SHROOM3: variants seen among roughly 807,000 people sequenced by gnomAD.
SHROOM3 encodes the protein shroom family member 3, also known as protein Shroom3.
In SHROOM3, 47 loss-of-function variants were observed where a neutral mutation model predicts 138.6. The observed-to-expected ratio is 0.34, with a 90% CI of 0.27 to 0.43. The LOEUF is 0.43. Among genes scored for constraint, SHROOM3 ranks in the 20% least tolerant of loss-of-function variants. The pLI is 1.00. For missense variants in SHROOM3, 2,491 were observed against 2,596.5 expected, an observed-to-expected ratio of 0.96 and a Z score of 0.88; for synonymous variants, 1,062 against 1,063.3, an observed-to-expected ratio of 1.00 and a Z score of 0.02.
At chr4:76,474,531 A>G (rs1731442167) in intron 1 of SHROOM3, among the ~76,000 whole-genome samples, 1 of 152,216 alleles carries the variant, frequency 6.6e-6, no homozygotes, top group African/African-American at 2.4e-5. Context: ...GATTGTACAA[A>G]GAGAGTAATG....
chr4:76,657,189 CGCTCTCTCTCTCTCTA>C (rs1736082822), intron 2 of SHROOM3, among the ~76,000 whole-genome samples: 1 of 149,116 alleles, frequency 6.7e-6, no homozygotes, highest in African/African-American at 2.5e-5. Context: ...CTCTCTCTCT[CGCTCTCTCTCTCTCTA>C]TATATATATA....
chr4:76,695,247 T>C (rs954128770), intron 2 of SHROOM3, among the ~76,000 whole-genome samples: 9 of 152,204 alleles, frequency 5.9e-5, no homozygotes, highest in African/African-American at 2.2e-4. Flanking sequence ...TGGTCCTCTC[T>C]GACATTGTCC....
chr4:76,586,324 C>T, intron 2 of SHROOM3: 2 of 985,758 alleles, frequency 2.0e-6, no homozygotes, highest in Non-Finnish European at 2.4e-6. Context: ...CGGATCCTTC[C>T]TGGGCCAGAA....
intron 3 of SHROOM3, among the ~76,000 whole-genome samples, chr4:76,726,265 T>A (rs2110126039): frequency 6.6e-6 from 1 of 152,250 alleles, no homozygotes; most frequent in Non-Finnish European, 1.5e-5. Context: ...CTCTTGGGCT[T>A]TTTCCCAGGC....
chr4:76,663,457 GT>G (rs1351126623), intron 2 of SHROOM3, among the ~76,000 whole-genome samples: 2 of 152,122 alleles, frequency 1.3e-5, no homozygotes, highest in African/African-American at 4.8e-5. Flanking sequence ...AACTTGCTAA[GT>G]CAAGGCTAGA....
At chr4:76,488,736 A>C (rs1731788002) in intron 1 of SHROOM3, among the ~76,000 whole-genome samples, 1 of 152,220 alleles carries the variant, frequency 6.6e-6, no homozygotes. Flanking sequence ...CCCAGGAAAA[A>C]AGTATTAGTA....
At position 76,467,045 on chromosome 4, in the gene SHROOM3, G is replaced by GTTT. The variant is rs56163246; in HGVS notation, c.168+30837_168+30839dup. Among the ~76,000 whole-genome samples, 182 of 144,574 alleles carry GTTT rather than the reference G, an allele frequency of 1.3e-3. 2 individuals are homozygous for GTTT. The highest frequency in any genetic ancestry group is 1.4e-3 in the Non-Finnish European group (96 of 66,546). 94.8% of individuals were successfully genotyped at this position (144,574 alleles called of 152,430 possible). ...TTGGCCCTCCCCAGAACCCAGAAAA[G>GTTT]TTTTTTTTTTTTTTCTAGACAGGGT... On this transcript the variant is annotated intron_variant, in intron 1 of 10. Transcript: ENST00000296043.
At chr4:76,718,566 C>T (rs1005954443) in intron 3 of SHROOM3, among the ~76,000 whole-genome samples, 1 of 152,124 alleles carries the variant, frequency 6.6e-6, no homozygotes, top group Non-Finnish European at 1.5e-5. Context: ...TCTGTCTTTT[C>T]CTTTGTTTTC....
chr4:76,479,919 G>A (rs1579182877), intron 1 of SHROOM3, among the ~76,000 whole-genome samples: 1 of 152,262 alleles, frequency 6.6e-6, no homozygotes, highest in East Asian at 1.9e-4. Flanking sequence ...TTACAGACGA[G>A]CAACTGCTGA....
chr4:76,724,952 C>A (rs772957238), intron 3 of SHROOM3, among the ~76,000 whole-genome samples: 1 of 152,162 alleles, frequency 6.6e-6, no homozygotes, highest in Non-Finnish European at 1.5e-5. Flanking sequence ...TATTTTTGGT[C>A]ATCCTTTTCA....
intron 1 of SHROOM3, among the ~76,000 whole-genome samples, chr4:76,520,008 T>C (rs554350136): frequency 5.1e-4 from 77 of 152,322 alleles, no homozygotes; most frequent in African/African-American, 1.7e-3. Flanking sequence ...GACTAGCTTC[T>C]TTTAGGTCAT....
At chr4:76,705,132 A>G (rs1191708378) in intron 2 of SHROOM3, among the ~76,000 whole-genome samples, 1 of 152,182 alleles carries the variant, frequency 6.6e-6, no homozygotes, top group East Asian at 1.9e-4. Context: ...TTTCTTTTGT[A>G]TTGGCTGAAA....
chr4:76,492,313 T>C (rs1275600628), intron 1 of SHROOM3, among the ~76,000 whole-genome samples: 1 of 152,240 alleles, frequency 6.6e-6, no homozygotes, highest in African/African-American at 2.4e-5. Flanking sequence ...GCCTGCTTTG[T>C]GGAGCTTTTG....
intron 1 of SHROOM3, among the ~76,000 whole-genome samples, chr4:76,500,917 C>T (rs1336875066): frequency 1.3e-5 from 2 of 152,098 alleles, no homozygotes; most frequent in East Asian, 3.8e-4. Context: ...AGAGATCCTC[C>T]CACCTCAGCC....
intron 2 of SHROOM3, chr4:76,573,669 C>A (rs901349395): frequency 6.5e-6 from 1 of 153,866 alleles, no homozygotes; most frequent in South Asian, 2.1e-4. Flanking sequence ...TGGCCTCCAA[C>A]GCTGAATCCT....
At chr4:76,551,522 C>T (rs567397148) in intron 1 of SHROOM3, among the ~76,000 whole-genome samples, 59 of 152,264 alleles carry the variant, frequency 3.9e-4, no homozygotes, top group African/African-American at 1.4e-3. Flanking sequence ...CCATAGCTGA[C>T]CACAGTAGTG....
chr4:76,467,117 A>T (rs1455348341), intron 1 of SHROOM3, among the ~76,000 whole-genome samples: 1 of 150,154 alleles, frequency 6.7e-6, no homozygotes, highest in Non-Finnish European at 1.5e-5. Flanking sequence ...ATCACGACTC[A>T]CTGCAGCCTC....
At chr4:76,492,636 A>G (rs1227392487) in intron 1 of SHROOM3, among the ~76,000 whole-genome samples, 2 of 152,234 alleles carry the variant, frequency 1.3e-5, no homozygotes, top group Non-Finnish European at 2.9e-5. Flanking sequence ...CTGACTCCGC[A>G]TTAATAACTG....
chr4:76,627,258 G>C (rs1735172702), intron 2 of SHROOM3, among the ~76,000 whole-genome samples: 1 of 152,126 alleles, frequency 6.6e-6, no homozygotes, highest in Admixed American at 6.5e-5. Context: ...TGCAGGGGGA[G>C]ATCCTAGGGT....
Sources: gnomAD v4.1 joint callset for allele counts (sites outside exome capture counted in the v4.1 genomes callset) on GRCh38, gnomAD v4.1.1 for gene constraint, MANE v1.5 for transcripts, NCBI Gene and HGNC (gene_info 2026-07-23, HGNC 2026-07-21) for gene names.